Variants in PKHD1L1 observed in about 807,000 individuals in gnomAD.
PKHD1L1 encodes the protein fibrocystin-L.
Under a neutral mutation model 462.9 loss-of-function variants are expected in PKHD1L1, and 434 were observed. The observed-to-expected ratio is 0.94, with a 90% CI of 0.87 to 1.02. PKHD1L1 has a LOEUF of 1.02. Ranked by LOEUF, PKHD1L1 falls within the 50% of genes least tolerant of loss-of-function variation. PKHD1L1 has a pLI of 0.00. For synonymous variants in PKHD1L1, 1,781 were observed against 1,750.0 expected (o/e 1.02, Z -0.44); for missense variants, 5,202 against 5,096.1 (o/e 1.02, Z -0.63).
intron 13 of PKHD1L1, among the ~76,000 whole-genome samples, chr8:109,401,177 A>G (rs748212327): frequency 3.3e-5 from 5 of 152,242 alleles, no homozygotes; most frequent in African/African-American, 7.2e-5. Flanking sequence ...TTATTTGTCA[A>G]TAACTACCTT....
chr8:109,459,567 TAA>T (rs5893958), intron 46 of PKHD1L1, 26 bp from the exon 47 acceptor site: 1 of 1,469,374 alleles, frequency 6.8e-7, no homozygotes, highest in Non-Finnish European at 9.1e-7. Context: ...ATATTAATTT[TAA>T]AATTTTTTTG....
At chr8:109,375,889 T>C (rs556388314) in intron 2 of PKHD1L1, among the ~76,000 whole-genome samples, 2 of 152,200 alleles carry the variant, frequency 1.3e-5, no homozygotes, top group Non-Finnish European at 1.5e-5. Context: ...TACCCAGCCA[T>C]GTGAGGTGTC....
chr8:109,502,915 G>A (rs1819498337), intron 67 of PKHD1L1, among the ~76,000 whole-genome samples: 1 of 152,304 alleles, frequency 6.6e-6, no homozygotes, highest in South Asian at 2.1e-4. Flanking sequence ...CATATCTCTT[G>A]TCAGTTAGTT....
chr8:109,419,216 A>G lies in PKHD1L1; in HGVS notation c.2480A>G (p.Asp827Gly). ...TCAGAATCACAGTCCTTCTATGTGG[A>G]TGTAGTGTACATTGGACACACATCT... ...KASESQSFYV[D>G]VVYIGHTSTI... Residue 827 changes from aspartate to glycine, a missense_variant, in exon 22 of 78, where the codon GAT (aspartate) becomes GGT (glycine). This residue lies in a region of PKHD1L1 where 4,497 missense variants were observed against 4,336.8 expected (regional missense o/e 1.04). Coordinates refer to ENST00000378402, the MANE Select transcript of PKHD1L1 (RefSeq NM_177531.6). 4 of 1,612,428 alleles carry G rather than the reference A, an allele frequency of 2.5e-6. No homozygotes were observed. Among genetic ancestry groups the G allele is most frequent in the Non-Finnish European group, 3.4e-6 (4 of 1,179,016 alleles).
At chr8:109,435,122 A>C in intron 28 of PKHD1L1, 68 bp from the exon 29 acceptor site, 1 of 1,533,420 alleles carries the variant, frequency 6.5e-7, no homozygotes, top group South Asian at 1.2e-5. Context: ...AGTATTTGCA[A>C]GCATAACTTT....
At chr8:109,394,532 G>T in intron 10 of PKHD1L1, 47 bp downstream of exon 10, 1 of 1,218,586 alleles carries the variant, frequency 8.2e-7, no homozygotes. Flanking sequence ...TGGGAAGGCA[G>T]TGTATAATTG....
At chr8:109,366,606 C>T (rs1397216593) in intron 2 of PKHD1L1, among the ~76,000 whole-genome samples, 2 of 151,588 alleles carry the variant, frequency 1.3e-5, no homozygotes, top group Non-Finnish European at 2.9e-5. Flanking sequence ...GTTACATATT[C>T]TTATCAAAAA....
At chr8:109,386,510 C>T (rs547506841) in intron 6 of PKHD1L1, among the ~76,000 whole-genome samples, 1 of 152,108 alleles carries the variant, frequency 6.6e-6, no homozygotes, top group South Asian at 2.1e-4. Flanking sequence ...TTTTGTAAAA[C>T]AAGCAATTTA....
chr8:109,470,496 A>G, intron 50 of PKHD1L1: 1 of 1,610,512 alleles, frequency 6.2e-7, no homozygotes. Flanking sequence ...CATCACAGCA[A>G]CTGGCTGGAA....
chr8:109,419,356 A>C, intron 22 of PKHD1L1, 96 bp downstream of exon 22: 1 of 881,374 alleles, frequency 1.1e-6, no homozygotes, highest in Non-Finnish European at 1.6e-6. Flanking sequence ...TAGAAACATT[A>C]ATATCTAAAT....
chr8:109,479,843 A>AT, intron 54 of PKHD1L1, 148 bp from the exon 55 acceptor site: 3 of 930,304 alleles, frequency 3.2e-6, no homozygotes, highest in Non-Finnish European at 4.7e-6. Flanking sequence ...ACAAGAGCAG[A>AT]TTTTCTGGGA....
chr8:109,366,426 C>T (rs141711403), intron 2 of PKHD1L1, among the ~76,000 whole-genome samples: 77 of 152,110 alleles, frequency 5.1e-4, no homozygotes, highest in Non-Finnish European at 9.4e-4. Flanking sequence ...AATAGAATAG[C>T]GGTCATTGAG....
intron 2 of PKHD1L1, among the ~76,000 whole-genome samples, chr8:109,375,727 C>T (rs941483563): frequency 4.6e-5 from 7 of 152,192 alleles, no homozygotes; most frequent in Non-Finnish European, 7.3e-5. Context: ...ACAGTCAGGA[C>T]CCTCAGCTAC....
At chr8:109,514,258 C>A (rs531003707) in intron 71 of PKHD1L1, among the ~76,000 whole-genome samples, 2 of 152,288 alleles carry the variant, frequency 1.3e-5, no homozygotes, top group East Asian at 3.9e-4. Context: ...TCCAAGATCA[C>A]GCCTCCTTGC....
At chr8:109,484,963 T>C (rs1259846762) in intron 57 of PKHD1L1, 81 bp from the exon 58 acceptor site, 12 of 1,182,532 alleles carry the variant, frequency 1.0e-5, no homozygotes, top group Non-Finnish European at 1.4e-5. Flanking sequence ...ACATTAAATT[T>C]GAATGATTTA....
In PKHD1L1 at chr8:109,483,102, G is replaced by T. The variant is rs1217657228; in HGVS notation, c.9573G>T (p.Trp3191Cys). 1 of 1,567,518 alleles carries T rather than the reference G, an allele frequency of 6.4e-7. No individual in the cohort carries two copies. Residue 3191 changes from tryptophan (W) to cysteine (C), a missense_variant, in exon 57 of 78, where the codon TGG becomes TGT. Transcript: ENST00000378402. Reference protein sequence around the residue: ...KVLSLMDAVDWQEGEEIVITT... With the variant: ...KVLSLMDAVDCQEGEEIVITT... ...TGTCTCTGATGGATGCTGTGGATTG[G>T]CAGGTAGACAAAATAATTATGTAAT...
At chr8:109,391,182 A>G (rs1812693757) in intron 9 of PKHD1L1, among the ~76,000 whole-genome samples, 1 of 152,210 alleles carries the variant, frequency 6.6e-6, no homozygotes, top group East Asian at 1.9e-4. Flanking sequence ...AGAAGCTCCC[A>G]AGGATAAACC....
chr8:109,394,866 T>C (rs1381234946), intron 10 of PKHD1L1, among the ~76,000 whole-genome samples: 1 of 152,208 alleles, frequency 6.6e-6, no homozygotes, highest in Non-Finnish European at 1.5e-5. Context: ...GTTGAAAATA[T>C]TATTACATCG....
Position 109,452,773 on chromosome 8 carries a change from GA to G in PKHD1L1, c.6567del (p.Lys2189AsnfsTer27), listed in dbSNP as rs769716668. 44 of 1,535,874 alleles carry G rather than the reference GA, an allele frequency of 2.9e-5. No homozygotes were observed. Among genetic ancestry groups the G allele is most frequent in the African/African-American group, 1.8e-4 (13 of 72,060 alleles). On this transcript the variant is annotated frameshift_variant, in exon 43 of 78. Coordinates refer to ENST00000378402, the MANE Select transcript of PKHD1L1 (RefSeq NM_177531.6). LOFTEE classifies it high-confidence loss of function. ...TGGTCCTCCAATTTCTCATGGGGGG[GA>G]AAATCTCCCCCAGAAGAAGGATCTC... Reference protein sequence around the residue: ...DAWSSNFSWGGKSPPEEGSLV... With the variant: ...DAWSSNFSWGXKSPPEEGSLV...
Sources: allele counts gnomAD v4.1 joint callset (sites outside exome capture counted in the v4.1 genomes callset), GRCh38; gene constraint gnomAD v4.1.1; regional missense constraint gnomAD v4.1.1; transcripts MANE v1.5; gene names NCBI Gene and HGNC (gene_info 2026-07-23, HGNC 2026-07-21).